LTBP1: variants seen among roughly 807,000 people sequenced by gnomAD.
LTBP1 encodes the protein latent-transforming growth factor beta-binding protein 1.
A neutral mutation model predicts 207.6 loss-of-function variants in LTBP1; 129 were observed. The ratio of observed to expected loss-of-function variants is 0.62; its 90% CI spans 0.54 to 0.72. LTBP1 has a LOEUF of 0.72. LTBP1 is among the 30% of genes least tolerant of loss of function. The probability of loss-of-function intolerance (pLI) is 0.00; values close to 1 mark genes in which losing one functional copy is unlikely to be tolerated. For synonymous variants in LTBP1, 963 were observed against 833.7 expected, an observed-to-expected ratio of 1.16 and a Z score of -2.67; for missense variants, 2,281 against 2,217.2, an observed-to-expected ratio of 1.03 and a Z score of -0.58.
intron 20 of LTBP1, among the ~76,000 whole-genome samples, chr2:33,299,133 G>A (rs563474909): frequency 2.0e-4 from 30 of 151,744 alleles, no homozygotes; most frequent in Non-Finnish European, 3.4e-4. Flanking sequence ...AATGAGCTGG[G>A]CGGGAGGCTG....
At position 33,186,998 on chromosome 2, in the gene LTBP1, G is replaced by A. The variant is rs2087272994; in HGVS notation, c.1344G>A (p.Gln448=). Residue 448 remains glutamine (Q), a synonymous_variant, in exon 6 of 34, where the codon CAG becomes CAA. Coordinates refer to ENST00000404816, the MANE Select transcript of LTBP1 (RefSeq NM_206943.4). ...SVPKLYQHSQ[Q]PGKALGTHVI... ...CTAAACTTTATCAGCATTCCCAGCA[G>A]CCAGGCAAGGCGTTGGGGACGCATG... The A allele has an allele frequency of 5.6e-6, 9 of 1,614,206 alleles. No individual in the cohort carries two copies. Among genetic ancestry groups the A allele is most frequent in the Middle Eastern group, 1.6e-4 (1 of 6,062 alleles).
chr2:33,363,292 A>T, intron 28 of LTBP1, 98 bp from the exon 29 acceptor site: 1 of 1,185,354 alleles, frequency 8.4e-7, no homozygotes, highest in Non-Finnish European at 1.2e-6. Context: ...TGTAAATATT[A>T]TAATATCTAA....
At position 33,149,228 on chromosome 2, in the gene LTBP1, C is replaced by CAAAAAAA. The variant is rs58303103; in HGVS notation, c.1201+14289_1201+14295dup. ...AGACTCCGTCTCACTCACAAAAAAA[C>CAAAAAAA]AAAAAAAAAAAAAAAAAAAAAAAAA... On this transcript the variant is annotated intron_variant, in intron 5 of 33. Transcript: ENST00000404816. Among the ~76,000 whole-genome samples the CAAAAAAA allele has an allele frequency of 3.9e-3, 320 of 82,774 alleles. 13 individuals carry two copies. Among genetic ancestry groups the CAAAAAAA allele is most frequent in the African/African-American group, 7.2e-3 (153 of 21,156 alleles). The allele number at this position is 82,774 out of a possible 152,430, so 54.3% of individuals were successfully genotyped here. A position where few individuals can be genotyped will look rare whatever the true frequency, so the allele number is the denominator to read the frequency against.
chr2:33,256,778 A>ATATATATATG (rs2092872438), intron 11 of LTBP1, among the ~76,000 whole-genome samples: 1 of 81,680 alleles, frequency 1.2e-5, no homozygotes, highest in African/African-American at 5.3e-5. Context: ...ATATATATAT[A>ATATATATATG]GTTACCCTCT....
intron 32 of LTBP1, among the ~76,000 whole-genome samples, chr2:33,391,199 C>T (rs2095311619): frequency 6.6e-6 from 1 of 151,920 alleles, no homozygotes; most frequent in Non-Finnish European, 1.5e-5. Flanking sequence ...GTAACTCCCA[C>T]CCAGGCCAGG....
At chr2:33,150,704 C>CTTTTTTTT (rs1211013076) in intron 5 of LTBP1, among the ~76,000 whole-genome samples, 1 of 108,838 alleles carries the variant, frequency 9.2e-6, no homozygotes, top group African/African-American at 3.5e-5. Context: ...TTTCTTTTTT[C>CTTTTTTTT]TTTTTCTTTT....
chr2:33,329,160 TATC>T lies in LTBP1; in HGVS notation c.3731-13673_3731-13671del, dbSNP rs2094464990. Among the ~76,000 whole-genome samples, 3 of 152,206 alleles carry T rather than the reference TATC, an allele frequency of 2.0e-5. No homozygotes were observed. In the South Asian group the frequency reaches 6.2e-4, roughly 31 times the overall value. On this transcript the variant is annotated intron_variant, in intron 24 of 33. Coordinates refer to ENST00000404816, the MANE Select transcript of LTBP1 (RefSeq NM_206943.4). ...AGGGTTAAGAGTCTCAGATCCACAT[TATC>T]ATCAATAATTGGTATTGTCATTCCT...
intron 31 of LTBP1, among the ~76,000 whole-genome samples, chr2:33,381,174 A>G (rs140007908): frequency 4.2e-4 from 64 of 152,308 alleles, no homozygotes; most frequent in African/African-American, 1.4e-3. Context: ...AAGACTTAAT[A>G]TATTTCCTAT....
chr2:33,011,258 C>G (rs1296185997), intron 2 of LTBP1, among the ~76,000 whole-genome samples: 1 of 152,024 alleles, frequency 6.6e-6, no homozygotes, highest in Non-Finnish European at 1.5e-5. Context: ...GCACAGCTCC[C>G]CTCCATGTAT....
At chr2:33,393,078 G>C (rs1439467422) in intron 32 of LTBP1, among the ~76,000 whole-genome samples, 1 of 151,570 alleles carries the variant, frequency 6.6e-6, no homozygotes, top group African/African-American at 2.4e-5. Flanking sequence ...AGGTTCAGGG[G>C]TACATATAAA....
rs1676886389 is a variant in LTBP1, at chr2:32,950,199, A to G, written c.565+1254A>G. ...CCTGCTATGATATGGTTTGCCTGTA[A>G]CATGGAGATAACTCGTCTGTTAACA... On this transcript the variant is annotated intron_variant, in intron 2 of 33. Coordinates refer to ENST00000404816, the MANE Select transcript of LTBP1 (RefSeq NM_206943.4). Among the ~76,000 whole-genome samples, 4 of 152,330 alleles carry G rather than the reference A, an allele frequency of 2.6e-5. No homozygotes were observed. The South Asian group carries it at 8.3e-4, about 32-fold the overall frequency.
At chr2:33,189,776 A>G (rs939566979) in intron 7 of LTBP1, among the ~76,000 whole-genome samples, 6 of 152,226 alleles carry the variant, frequency 3.9e-5, no homozygotes, top group South Asian at 2.1e-4. Flanking sequence ...CTATAATCCT[A>G]CCACTTTGGG....
chr2:32,997,751 A>G (rs1685508857), intron 2 of LTBP1, among the ~76,000 whole-genome samples: 1 of 152,188 alleles, frequency 6.6e-6, no homozygotes, highest in Non-Finnish European at 1.5e-5. Context: ...AGACCAGCTT[A>G]GCTTTGCTCT....
At chr2:32,973,609 T>G (rs754822681) in intron 2 of LTBP1, among the ~76,000 whole-genome samples, 1 of 152,200 alleles carries the variant, frequency 6.6e-6, no homozygotes, top group Non-Finnish European at 1.5e-5. Context: ...ACTACATTCC[T>G]TAAGCCATTT....
chr2:32,957,128 A>T (rs1398887725), intron 2 of LTBP1, among the ~76,000 whole-genome samples: 1 of 152,230 alleles, frequency 6.6e-6, no homozygotes, highest in Admixed American at 6.5e-5. Context: ...AGATTGGTAA[A>T]TTAGCTTTGG....
intron 7 of LTBP1, among the ~76,000 whole-genome samples, chr2:33,201,417 G>C (rs2089249470): frequency 7.5e-6 from 1 of 133,538 alleles, no homozygotes; most frequent in South Asian, 2.5e-4. Context: ...TCATAGGTGG[G>C]AATTGAACAG....
intron 15 of LTBP1, among the ~76,000 whole-genome samples, chr2:33,270,097 T>G (rs948293214): frequency 1.3e-5 from 2 of 151,788 alleles, no homozygotes; most frequent in African/African-American, 4.8e-5. Context: ...TTTCTATTTT[T>G]AGTAAGGATG....
chr2:33,313,845 C>G (rs1479502388), intron 23 of LTBP1, among the ~76,000 whole-genome samples: 2 of 152,124 alleles, frequency 1.3e-5, no homozygotes, highest in Non-Finnish European at 2.9e-5. Context: ...ATCAAGGAGC[C>G]ATCAGTGTAA....
rs1418995694 is a variant in LTBP1, at chr2:32,947,390, C to G, written c.66C>G (p.His22Gln). The G allele has an allele frequency of 7.2e-7, 1 of 1,397,870 alleles. No individual in the cohort carries two copies. The highest frequency in any genetic ancestry group is 9.3e-7 in the Non-Finnish European group (1 of 1,076,350). 86.6% of individuals were successfully genotyped at this position (1,397,870 alleles called of 1,614,324 possible). A position where few individuals can be genotyped will look rare whatever the true frequency, so the allele number is the denominator to read the frequency against. ...LWAGLLASSA[H>Q]GRLRRITYVV... is the part of the protein sequence containing the mutation. ...CAGGGCTCCTCGCGTCCTCGGCGCA[C>G]GGCCGGCTGCGGAGGATCACCTACG... Residue 22 changes from histidine (H) to glutamine (Q), a missense_variant, in exon 1 of 34, where the codon CAC becomes CAG. His to Gln is a conservative substitution (Grantham distance 24, BLOSUM62 0). Around this residue, in one of 3 missense-constraint regions of LTBP1, gnomAD observed 555 missense variants for 491.0 expected, o/e 1.13. Transcript: ENST00000404816.
Sources: allele counts gnomAD v4.1 joint callset (sites outside exome capture counted in the v4.1 genomes callset), GRCh38; gene constraint gnomAD v4.1.1; regional missense constraint gnomAD v4.1.1; transcripts MANE v1.5; gene names NCBI Gene and HGNC (gene_info 2026-07-23, HGNC 2026-07-21).